HTR4: variants seen among roughly 807,000 people sequenced by gnomAD.
HTR4 encodes the protein 5-hydroxytryptamine (serotonin) receptor 4, G protein-coupled.
HTR4 carries 16 observed loss-of-function variants against 36.8 expected under a neutral mutation model. That is an observed-to-expected ratio of 0.43 (90% CI 0.29 to 0.66). The LOEUF (loss-of-function observed/expected upper bound fraction) is 0.66, where lower values mean the gene tolerates loss of function less well. Ranked by LOEUF, HTR4 falls within the 30% of genes least tolerant of loss-of-function variation. The pLI is 0.13. For synonymous variants in HTR4, 189 were observed against 185.1 expected (o/e 1.02, Z -0.17); for missense variants, 438 against 490.9 (o/e 0.89, Z 1.02).
intron 4 of HTR4, among the ~76,000 whole-genome samples, chr5:148,546,010 TAGAG>T (rs1258820971): frequency 6.6e-6 from 1 of 152,166 alleles, no homozygotes; most frequent in African/African-American, 2.4e-5. Context: ...GGATGAATGA[TAGAG>T]AGAAATAGAC....
At chr5:148,581,224 T>G (rs1761120478) in intron 2 of HTR4, among the ~76,000 whole-genome samples, 1 of 151,942 alleles carries the variant, frequency 6.6e-6, no homozygotes, top group South Asian at 2.1e-4. Flanking sequence ...GTTGTAGGAG[T>G]TCTTTATATG....
chr5:148,603,291 A>G (rs1000991536), intron 2 of HTR4, among the ~76,000 whole-genome samples: 10 of 152,094 alleles, frequency 6.6e-5, no homozygotes, highest in African/African-American at 2.4e-4. Flanking sequence ...GAATATTCAT[A>G]CCACCACCTC....
chr5:148,647,586 C>T (rs779542039), intron 1 of HTR4, among the ~76,000 whole-genome samples: 5 of 152,262 alleles, frequency 3.3e-5, no homozygotes, highest in African/African-American at 4.8e-5. Context: ...TGGTGGCTCA[C>T]GCCTGTAATC....
At chr5:148,453,886 C>T (rs2113684335) in intron 5 of HTR4, among the ~76,000 whole-genome samples, 2 of 152,236 alleles carry the variant, frequency 1.3e-5, no homozygotes, top group African/African-American at 4.8e-5. Flanking sequence ...TGAGAGAAGA[C>T]AGTGACTTGG....
intron 2 of HTR4, among the ~76,000 whole-genome samples, chr5:148,621,452 C>T (rs536726128): frequency 1.6e-4 from 25 of 152,320 alleles, no homozygotes; most frequent in African/African-American, 5.5e-4. Context: ...TACCACCTAG[C>T]ACACCTAGCA....
chr5:148,524,972 G>T (rs1758195199), intron 4 of HTR4, among the ~76,000 whole-genome samples: 2 of 152,110 alleles, frequency 1.3e-5, no homozygotes, highest in Non-Finnish European at 2.9e-5. Context: ...TTCCTACAAG[G>T]CACTGAGGAG....
At chr5:148,503,010 G>C (rs375941518) in intron 6 of HTR4, among the ~76,000 whole-genome samples, 2 of 152,190 alleles carry the variant, frequency 1.3e-5, no homozygotes, top group Non-Finnish European at 2.9e-5. Flanking sequence ...CCAAATCTAC[G>C]TCTGATTGGT....
At chr5:148,536,925 C>G (rs566443728) in intron 4 of HTR4, among the ~76,000 whole-genome samples, 1 of 152,172 alleles carries the variant, frequency 6.6e-6, no homozygotes, top group Non-Finnish European at 1.5e-5. Context: ...CCCAAAACAA[C>G]AGAATATACA....
At chr5:148,476,916 C>T (rs1755716088), downstream of HTR4, among the ~76,000 whole-genome samples, 1 of 152,148 alleles carries the variant, frequency 6.6e-6, no homozygotes, top group African/African-American at 2.4e-5. Flanking sequence ...TTGAAATACA[C>T]TATGTAAGAG....
rs1761876855 is a variant in HTR4, at chr5:148,598,708, C to G, written c.26+38281G>C. ...TAAATAAATATTTATTGAGTAAATT[C>G]TGACCAAATAATCTTCTACTTAAAG... On this transcript the variant is annotated intron_variant, in intron 2 of 6. Transcript: ENST00000377888. Among the ~76,000 whole-genome samples the G allele has an allele frequency of 2.6e-5, 4 of 152,284 alleles. No individual in the cohort carries two copies. The South Asian group carries it at 8.3e-4, about 32-fold the overall frequency.
chr5:148,553,607 G>A (rs752971903), intron 2 of HTR4, among the ~76,000 whole-genome samples: 8 of 152,134 alleles, frequency 5.3e-5, no homozygotes, highest in Admixed American at 1.3e-4. Flanking sequence ...ATAGCTTCCC[G>A]GTGTTGTTTT....
intron 2 of HTR4, among the ~76,000 whole-genome samples, chr5:148,581,971 CA>C (rs1159749594): frequency 6.6e-6 from 1 of 152,070 alleles, no homozygotes; most frequent in Non-Finnish European, 1.5e-5. Flanking sequence ...GAAAAGCACA[CA>C]AAATCCACAT....
intron 6 of HTR4, among the ~76,000 whole-genome samples, chr5:148,501,402 A>G (rs914720710): frequency 3.3e-5 from 5 of 152,232 alleles, no homozygotes; most frequent in African/African-American, 4.8e-5. Flanking sequence ...GCAGGATAAA[A>G]GCTGATACTG....
chr5:148,480,202 C>A (rs1755832958), downstream of HTR4, among the ~76,000 whole-genome samples: 1 of 152,108 alleles, frequency 6.6e-6, no homozygotes, highest in Non-Finnish European at 1.5e-5. Flanking sequence ...AGAAGTTACG[C>A]TCATTATTAT....
At chr5:148,530,040 T>G (rs1758478469) in intron 4 of HTR4, among the ~76,000 whole-genome samples, 1 of 152,178 alleles carries the variant, frequency 6.6e-6, no homozygotes, top group Non-Finnish European at 1.5e-5. Context: ...GGAAGAAATG[T>G]TAAGCAGCAA....
intron 2 of HTR4, chr5:148,629,329 C>T (rs183733860): frequency 1.2e-4 from 18 of 152,294 alleles, no homozygotes; most frequent in East Asian, 1.9e-4. Flanking sequence ...TGCTACAATG[C>T]TTGCTTCTGA....
At chr5:148,576,006 T>A (rs1760884795) in intron 2 of HTR4, among the ~76,000 whole-genome samples, 1 of 148,930 alleles carries the variant, frequency 6.7e-6, no homozygotes, top group Non-Finnish European at 1.5e-5. Context: ...GCCCAACAGC[T>A]CCTTCAGCTG....
intron 1 of HTR4, among the ~76,000 whole-genome samples, chr5:148,653,612 C>CTA: frequency 1.0e-5 from 1 of 99,020 alleles, no homozygotes; most frequent in African/African-American, 2.8e-5. Flanking sequence ...CTCTCTAACA[C>CTA]ACACACACAC....
In HTR4 at chr5:148,482,304, G is replaced by A; in HGVS notation, c.*899C>T. ...TTCAAAATGATATCACAAGTTCATG[G>A]GAAAGATCCTGAAGCCTAATAAACA... On this transcript the variant is annotated 3_prime_UTR_variant, in exon 7 of 7. Coordinates refer to ENST00000377888, the MANE Select transcript of HTR4 (RefSeq NM_000870.7). 1.0e-6 allele frequency: 1 copy of A among 985,472 alleles called. No individual in the cohort carries two copies. The highest frequency in any genetic ancestry group is 1.2e-6 in the Non-Finnish European group (1 of 829,994). 61.0% of individuals were successfully genotyped at this position (985,472 alleles called of 1,614,324 possible).
Sources: gnomAD v4.1 joint callset for allele counts (sites outside exome capture counted in the v4.1 genomes callset) on GRCh38, gnomAD v4.1.1 for gene constraint, MANE v1.5 for transcripts, NCBI Gene and HGNC (gene_info 2026-07-23, HGNC 2026-07-21) for gene names.